APOBEC1: variants seen among roughly 807,000 people sequenced by gnomAD.
APOBEC1 encodes apolipoprotein B mRNA editing enzyme catalytic subunit 1.
A neutral mutation model predicts 26.3 loss-of-function variants in APOBEC1; 22 were observed. That is an observed-to-expected ratio of 0.84 (90% confidence interval 0.60 to 1.19). The LOEUF (loss-of-function observed/expected upper bound fraction) is 1.19, where lower values mean the gene tolerates loss of function less well. APOBEC1 is among the 50% of genes most tolerant of loss of function. The pLI, the probability that APOBEC1 is intolerant of heterozygous loss-of-function variation, is 0.00. For missense variants in APOBEC1, 253 were observed against 289.0 expected, an observed-to-expected ratio of 0.88 and a Z score of 0.90; for synonymous variants, 77 against 95.3, an observed-to-expected ratio of 0.81 and a Z score of 1.12.
At chr12:7,669,836 C>A (rs1863932041), upstream of APOBEC1, among the ~76,000 whole-genome samples, 1 of 152,088 alleles carries the variant, frequency 6.6e-6, no homozygotes, top group Admixed American at 6.6e-5. Context: ...TACAATCATA[C>A]TTGTGAGTGT....
chr12:7,652,398 C>T, intron 3 of APOBEC1, 40 bp downstream of exon 3: 1 of 1,552,892 alleles, frequency 6.4e-7, no homozygotes, highest in Non-Finnish European at 8.7e-7. Flanking sequence ...TCACCACAGT[C>T]TGTTGTAAAC....
Position 7,652,549 on chromosome 12 carries a change from T to A in APOBEC1, c.331A>T (p.Thr111Ser). 1 of 1,614,124 alleles carries A rather than the reference T, an allele frequency of 6.2e-7. No homozygotes were observed. The highest frequency in any genetic ancestry group is 8.5e-7 in the Non-Finnish European group (1 of 1,180,024). ...AGCCGAGCTACGTAGATCACTAGAG[T>A]CACACCAGGGTGCCGACTCAGAAAC... ...REFLSRHPGV[T>S]LVIYVARLFW... Residue 111 changes from threonine (T) to serine (S), a missense_variant, in exon 3 of 5, where the codon ACT becomes TCT. Transcript: ENST00000229304.
At chr12:7,660,750 A>G (rs1863806340) in intron 1 of APOBEC1, among the ~76,000 whole-genome samples, 1 of 151,928 alleles carries the variant, frequency 6.6e-6, no homozygotes, top group Non-Finnish European at 1.5e-5. Flanking sequence ...ACAGCTATAC[A>G]AAAGAATGAA....
intron 1 of APOBEC1, among the ~76,000 whole-genome samples, chr12:7,659,322 A>AAAAAATATAT (rs1555094633): frequency 5.0e-4 from 23 of 46,276 alleles, no homozygotes; most frequent in African/African-American, 6.3e-4. Context: ...AAAAAAAAAA[A>AAAAAATATAT]ATATATATAT....
chr12:7,662,304 G>C (rs377532686), intron 1 of APOBEC1, among the ~76,000 whole-genome samples: 2 of 151,904 alleles, frequency 1.3e-5, no homozygotes, highest in South Asian at 2.1e-4. Flanking sequence ...AAAGACGGCC[G>C]GGTACGGTGG....
chr12:7,660,700 C>T (rs1212880196), intron 1 of APOBEC1, among the ~76,000 whole-genome samples: 1 of 10,328 alleles, frequency 9.7e-5, no homozygotes, highest in East Asian at 2.4e-3. Context: ...GAGATTCCAT[C>T]TAAAAAAAAA....
At chr12:7,652,065 G>A (rs769845991) in intron 3 of APOBEC1, among the ~76,000 whole-genome samples, 8 of 152,068 alleles carry the variant, frequency 5.3e-5, no homozygotes, top group East Asian at 1.9e-4. Flanking sequence ...CTCATGATCC[G>A]CCCACCTCGG....
At chr12:7,660,375 G>GGAAGGAAAGAAAGAAAGAAA (rs61183510) in intron 1 of APOBEC1, among the ~76,000 whole-genome samples, 29 of 23,954 alleles carry the variant, frequency 1.2e-3, no homozygotes, top group East Asian at 3.7e-3. Flanking sequence ...AAGGAAGGAA[G>GGAAGGAAAGAAAGAAAGAAA]GAAAGAAAGA....
At chr12:7,665,954 A>AAGCAGGTGGCAGTGGG, upstream of APOBEC1, 1 of 1,450,894 alleles carries the variant, frequency 6.9e-7, no homozygotes, top group Non-Finnish European at 9.7e-7. Context: ...AGGTGTGCCC[A>AAGCAGGTGGCAGTGGG]CTGCCACCTG....
chr12:7,667,536 A>G (rs953638991), upstream of APOBEC1, among the ~76,000 whole-genome samples: 1 of 152,204 alleles, frequency 6.6e-6, no homozygotes, highest in Admixed American at 6.5e-5. Flanking sequence ...GTTTTGAAGA[A>G]GGGGCAGAAA....
chr12:7,667,865 T>C (rs1863912301), upstream of APOBEC1, among the ~76,000 whole-genome samples: 1 of 137,338 alleles, frequency 7.3e-6, no homozygotes, highest in Admixed American at 7.7e-5. Context: ...TTAGCCGAGA[T>C]CTCACCATTG....
At chr12:7,656,666 T>C (rs1335763841) in intron 1 of APOBEC1, among the ~76,000 whole-genome samples, 1 of 152,214 alleles carries the variant, frequency 6.6e-6, no homozygotes, top group African/African-American at 2.4e-5. Context: ...CTAACCTCTC[T>C]AGACCTCAGT....
chr12:7,650,812 C>T (rs896876251), intron 4 of APOBEC1, among the ~76,000 whole-genome samples: 1 of 152,192 alleles, frequency 6.6e-6, no homozygotes, highest in East Asian at 1.9e-4. Flanking sequence ...CAGCTTGCAA[C>T]GCCTAGACTC....
chr12:7,662,848 G>T (rs1201664542), intron 1 of APOBEC1, among the ~76,000 whole-genome samples: 1 of 152,124 alleles, frequency 6.6e-6, no homozygotes, highest in Admixed American at 6.6e-5. Context: ...AGCTTGGCTG[G>T]GTCGGAGTGA....
At chr12:7,668,817 C>T (rs989042895), upstream of APOBEC1, among the ~76,000 whole-genome samples, 7 of 152,046 alleles carry the variant, frequency 4.6e-5, no homozygotes, top group Non-Finnish European at 1.5e-5. Context: ...TAGCCTCAGC[C>T]CCCCGGGTTC....
chr12:7,659,819 A>G (rs1863777875), intron 1 of APOBEC1, among the ~76,000 whole-genome samples: 1 of 151,840 alleles, frequency 6.6e-6, no homozygotes, highest in South Asian at 2.1e-4. Context: ...AATACAAAAA[A>G]CTGGCCAGGC....
At chr12:7,652,047 C>T (rs1565439587) in intron 3 of APOBEC1, among the ~76,000 whole-genome samples, 1 of 152,174 alleles carries the variant, frequency 6.6e-6, no homozygotes, top group Non-Finnish European at 1.5e-5. Flanking sequence ...TGGTCTCCAT[C>T]TCCTGATCTC....
intron 1 of APOBEC1, among the ~76,000 whole-genome samples, chr12:7,656,831 G>A (rs12825156): frequency 0.49 from 74,412 of 152,022 alleles, 19,641 homozygotes; most frequent in Non-Finnish European, 0.61. Context: ...GCCTTTCAGA[G>A]GGTTAGAAAG....
chr12:7,660,787 C>T (rs1863806799), intron 1 of APOBEC1, among the ~76,000 whole-genome samples: 2 of 149,950 alleles, frequency 1.3e-5, no homozygotes, highest in Admixed American at 1.3e-4. Flanking sequence ...TTTGCAGCAA[C>T]ATAGATGCAG....
Sources: allele counts gnomAD v4.1 joint callset (sites outside exome capture counted in the v4.1 genomes callset), GRCh38; gene constraint gnomAD v4.1.1; transcripts MANE v1.5; gene names NCBI Gene and HGNC (gene_info 2026-07-23, HGNC 2026-07-21).